GSG1L: variants seen among roughly 807,000 people sequenced by gnomAD.
GSG1L encodes germ cell-specific gene 1-like protein.
In GSG1L, 24 loss-of-function variants were observed where a neutral mutation model predicts 42.1. That is an observed-to-expected ratio of 0.57 (90% CI 0.41 to 0.80). The LOEUF (loss-of-function observed/expected upper bound fraction) is 0.80, where lower values mean the gene tolerates loss of function less well. Among genes scored for constraint, GSG1L ranks in the 30% least tolerant of loss-of-function variants. The probability of loss-of-function intolerance (pLI) is 0.00; values close to 1 mark genes in which losing one functional copy is unlikely to be tolerated. For synonymous variants in GSG1L, 215 were observed against 203.5 expected (o/e 1.06, Z -0.48); for missense variants, 445 against 472.2 (o/e 0.94, Z 0.53).
chr16:28,022,222 G>C (rs944335173), intron 1 of GSG1L, among the ~76,000 whole-genome samples: 1 of 152,166 alleles, frequency 6.6e-6, no homozygotes, highest in Admixed American at 6.6e-5. Context: ...TTGCTGGGTG[G>C]TGGCAATATT....
chr16:27,935,171 A>G (rs755870085), intron 2 of GSG1L, among the ~76,000 whole-genome samples: 67 of 152,240 alleles, frequency 4.4e-4, no homozygotes, highest in Admixed American at 1.2e-3. Flanking sequence ...GAGCAGCGTC[A>G]AAAACAGTGA....
intron 3 of GSG1L, among the ~76,000 whole-genome samples, chr16:27,849,833 A>G (rs1388911496): frequency 2.0e-5 from 3 of 149,962 alleles, no homozygotes; most frequent in Non-Finnish European, 4.5e-5. Flanking sequence ...GCCTGGGGCA[A>G]GTTTTGAGGG....
chr16:28,000,784 C>T (rs2085571517), intron 1 of GSG1L, among the ~76,000 whole-genome samples: 1 of 152,128 alleles, frequency 6.6e-6, no homozygotes, highest in African/African-American at 2.4e-5. Flanking sequence ...CTCCTCTCCT[C>T]CTCCTACAAC....
At chr16:27,959,238 G>A (rs977106157) in intron 2 of GSG1L, among the ~76,000 whole-genome samples, 170 of 150,024 alleles carry the variant, frequency 1.1e-3, no homozygotes, top group Non-Finnish European at 2.2e-3. Context: ...TGGGAGGATC[G>A]TTTGAGTCCA....
chr16:27,848,401 G>A (rs1033097603), intron 3 of GSG1L, among the ~76,000 whole-genome samples: 2 of 152,230 alleles, frequency 1.3e-5, no homozygotes, highest in African/African-American at 2.4e-5. Flanking sequence ...ATATGGCAAT[G>A]AGCTAGGACA....
chr16:27,857,563 G>C (rs1567490009), intron 3 of GSG1L, among the ~76,000 whole-genome samples: 1 of 152,102 alleles, frequency 6.6e-6, no homozygotes, highest in Non-Finnish European at 1.5e-5. Flanking sequence ...GCAACATAGG[G>C]AAACCCCATC....
At chr16:27,957,892 G>A (rs1276719486) in intron 2 of GSG1L, among the ~76,000 whole-genome samples, 1 of 152,156 alleles carries the variant, frequency 6.6e-6, no homozygotes, top group Non-Finnish European at 1.5e-5. Context: ...TGGCAAGAGA[G>A]AGAGTGAGAA....
chr16:28,018,926 C>A (rs1262939208), intron 1 of GSG1L, among the ~76,000 whole-genome samples: 1 of 152,094 alleles, frequency 6.6e-6, no homozygotes, highest in Non-Finnish European at 1.5e-5. Context: ...AATCAGTGGA[C>A]AATTCTCAGA....
intron 1 of GSG1L, among the ~76,000 whole-genome samples, chr16:27,984,001 C>A (rs8051414): frequency 6.6e-6 from 1 of 152,018 alleles, no homozygotes; most frequent in African/African-American, 2.4e-5. Context: ...TAGATAACCC[C>A]TTGTCAAGAT....
chr16:27,991,309 T>G (rs1182805631), intron 1 of GSG1L, among the ~76,000 whole-genome samples: 2 of 144,390 alleles, frequency 1.4e-5, no homozygotes, highest in Admixed American at 7.3e-5. Flanking sequence ...TGCTCCCTGA[T>G]AGAATAGGTT....
chr16:27,991,290 T>A (rs2085453162), intron 1 of GSG1L, among the ~76,000 whole-genome samples: 1 of 151,952 alleles, frequency 6.6e-6, no homozygotes, highest in South Asian at 2.1e-4. Context: ...CTTCGTGATG[T>A]TTTTAGTTTG....
rs71648556 is a variant in GSG1L, at chr16:27,911,266, GCTCTCTCT to G, written c.398-26636_398-26629del. On this transcript the variant is annotated intron_variant, in intron 2 of 6. Transcript: ENST00000447459. ...TCTCTAGCCTCATCACCTCTCTCTC[GCTCTCTCT>G]CTCTCTCTCTCTCTCTCTCTCCTCT... Among the ~76,000 whole-genome samples the G allele has an allele frequency of 2.8e-3, 348 of 122,154 alleles. 2 individuals are homozygous for G. The highest frequency in any genetic ancestry group is 0.012 in the African/African-American group (339 of 28,636). The allele number at this position is 122,154 out of a possible 152,430, so 80.1% of individuals were successfully genotyped here.
chr16:28,002,518 G>A (rs2085588820), intron 1 of GSG1L, among the ~76,000 whole-genome samples: 4 of 152,214 alleles, frequency 2.6e-5, no homozygotes, highest in Non-Finnish European at 5.9e-5. Flanking sequence ...CTACTCAGGA[G>A]GCTAAGGCAG....
Position 27,867,258 on chromosome 16 carries a change from AG to A in GSG1L, c.550+17227del, listed in dbSNP as rs1274433883. On this transcript the variant is annotated intron_variant, in intron 3 of 6. Coordinates refer to ENST00000447459, the MANE Select transcript of GSG1L (RefSeq NM_001109763.2). ...ACAGCAGGTGATGCAGTGCTTATGC[AG>A]GCAGGCACTGCATGGCTCTCAGCCC... Among the ~76,000 whole-genome samples the A allele has an allele frequency of 2.6e-5, 4 of 152,132 alleles. No homozygotes were observed. The East Asian group carries it at 7.7e-4, about 29-fold the overall frequency.
intron 5 of GSG1L, among the ~76,000 whole-genome samples, chr16:27,812,764 G>A (rs548904639): frequency 1.3e-5 from 2 of 150,514 alleles, no homozygotes; most frequent in East Asian, 3.9e-4. Context: ...TGTCTTTGTT[G>A]TTGTTGTTGT....
intron 2 of GSG1L, among the ~76,000 whole-genome samples, chr16:27,912,123 A>G (rs7204499): frequency 0.15 from 23,382 of 152,084 alleles, 2,967 homozygotes; most frequent in African/African-American, 0.34. Flanking sequence ...GCAACCCTAC[A>G]AGGGTCTGAC....
chr16:27,811,784 A>C (rs978631574), intron 5 of GSG1L, among the ~76,000 whole-genome samples: 2 of 152,028 alleles, frequency 1.3e-5, no homozygotes, highest in African/African-American at 2.4e-5. Context: ...AAGTATCTGG[A>C]ATTACAGGTG....
intron 1 of GSG1L, among the ~76,000 whole-genome samples, chr16:28,011,832 G>A (rs140662781): frequency 2.0e-5 from 3 of 152,258 alleles, no homozygotes; most frequent in East Asian, 1.9e-4. Flanking sequence ...CGCTTAAGCC[G>A]CTATAATTTT....
intron 3 of GSG1L, among the ~76,000 whole-genome samples, chr16:27,849,261 G>T (rs1228179552): frequency 6.6e-6 from 1 of 150,390 alleles, no homozygotes; most frequent in East Asian, 2.0e-4. Context: ...GATGGAGTCA[G>T]AAAGGCAGGC....
Sources: gnomAD v4.1 joint callset for allele counts (sites outside exome capture counted in the v4.1 genomes callset) on GRCh38, gnomAD v4.1.1 for gene constraint, MANE v1.5 for transcripts, NCBI Gene and HGNC (gene_info 2026-07-23, HGNC 2026-07-21) for gene names.